The following BPGM variants were observed in gnomAD, a reference collection of about 807,000 sequenced individuals.
BPGM encodes 2,3-bisphosphoglycerate mutase, erythrocyte.
BPGM carries 15 observed loss-of-function variants against 21.6 expected under a neutral mutation model. The ratio of observed to expected loss-of-function variants is 0.70; its 90% CI spans 0.47 to 1.07. BPGM has a LOEUF of 1.07. BPGM is among the 50% of genes least tolerant of loss of function. The pLI is 0.00. For synonymous variants in BPGM, 113 were observed against 116.2 expected (o/e 0.97, Z 0.18); for missense variants, 273 against 319.0 (o/e 0.86, Z 1.10).
chr7:134,649,548 A>C (rs1381102509), intron 1 of BPGM, among the ~76,000 whole-genome samples: 1 of 152,190 alleles, frequency 6.6e-6, no homozygotes, highest in Non-Finnish European at 1.5e-5. Context: ...TTCTTGAAAC[A>C]TCCTTGGAAT....
At chr7:134,657,108 A>G (rs369706429) in intron 1 of BPGM, among the ~76,000 whole-genome samples, 2 of 152,228 alleles carry the variant, frequency 1.3e-5, no homozygotes, top group Non-Finnish European at 1.5e-5. Context: ...CTTTGACTCC[A>G]TGTCTGAATG....
At chr7:134,663,368 ATGTGTG>A (rs146657759) in intron 2 of BPGM, among the ~76,000 whole-genome samples, 1 of 151,062 alleles carries the variant, frequency 6.6e-6, no homozygotes, top group Non-Finnish European at 1.5e-5. Context: ...GGCACTTGAT[ATGTGTG>A]TGTGTGTGTG....
intron 2 of BPGM, among the ~76,000 whole-genome samples, chr7:134,678,522 C>T (rs1220725200): frequency 1.3e-5 from 2 of 152,166 alleles, no homozygotes; most frequent in South Asian, 2.1e-4. Context: ...TCTGATTTTT[C>T]GAGATTACCT....
intron 2 of BPGM, among the ~76,000 whole-genome samples, chr7:134,669,946 C>G (rs964907272): frequency 6.6e-6 from 1 of 152,078 alleles, no homozygotes; most frequent in African/African-American, 2.4e-5. Context: ...AAACATCTAA[C>G]GCAGACCTAA....
At chr7:134,656,818 C>A (rs535931944) in intron 1 of BPGM, among the ~76,000 whole-genome samples, 1 of 152,204 alleles carries the variant, frequency 6.6e-6, no homozygotes, top group African/African-American at 2.4e-5. Context: ...TAATCATGCC[C>A]TTTCCAACAG....
At chr7:134,649,843 A>AT (rs1179886834) in intron 1 of BPGM, among the ~76,000 whole-genome samples, 7 of 151,816 alleles carry the variant, frequency 4.6e-5, no homozygotes, top group Non-Finnish European at 8.8e-5. Context: ...TCCTCCCTTC[A>AT]TTTTACTTTA....
intron 1 of BPGM, among the ~76,000 whole-genome samples, chr7:134,648,392 C>G (rs548084079): frequency 2.0e-5 from 3 of 152,158 alleles, no homozygotes; most frequent in Non-Finnish European, 2.9e-5. Context: ...GCCTCGGCCT[C>G]CCAAAGTGCT....
intron 1 of BPGM, 113 bp downstream of exon 1, chr7:134,647,050 T>C (rs1346383443): frequency 6.5e-6 from 1 of 154,276 alleles, no homozygotes; most frequent in Non-Finnish European, 1.5e-5. Flanking sequence ...GGTTTAGTCG[T>C]TGGTGGGAGT....
At chr7:134,663,368 A>G (rs200614014) in intron 2 of BPGM, among the ~76,000 whole-genome samples, 17 of 151,174 alleles carry the variant, frequency 1.1e-4, no homozygotes, top group South Asian at 1.0e-3. Context: ...GGCACTTGAT[A>G]TGTGTGTGTG....
chr7:134,660,880 T>G (rs1397580411), intron 1 of BPGM: 1 of 156,658 alleles, frequency 6.4e-6, no homozygotes, highest in African/African-American at 2.4e-5. Flanking sequence ...TCTTGTGTGT[T>G]GTAGCCTGTG....
intron 1 of BPGM, among the ~76,000 whole-genome samples, chr7:134,655,783 A>C (rs1795627788): frequency 6.6e-6 from 1 of 152,168 alleles, no homozygotes; most frequent in Non-Finnish European, 1.5e-5. Context: ...TTTCTGTCTG[A>C]CTTTGGTTCA....
rs1427596932 is a variant in BPGM at position 134,679,237 on chromosome 7, C to T, written c.*206C>T. 1 of 592,648 alleles carries T rather than the reference C, an allele frequency of 1.7e-6. No individual in the cohort carries two copies. Among genetic ancestry groups the T allele is most frequent in the Non-Finnish European group, 2.9e-6 (1 of 341,340 alleles). 36.7% of individuals were successfully genotyped at this position (592,648 alleles called of 1,614,324 possible). A position where few individuals can be genotyped will look rare whatever the true frequency, so the allele number is the denominator to read the frequency against. On this transcript the variant is annotated 3_prime_UTR_variant, in exon 3 of 3. Coordinates refer to ENST00000344924, the MANE Select transcript of BPGM (RefSeq NM_001724.5). ...TGTCATAGCCTTATGAGTTAGCTTT[C>T]TTGCTAGCCCCCTAGTCGGTCACCA...
intron 1 of BPGM, among the ~76,000 whole-genome samples, chr7:134,653,616 C>A (rs768529057): frequency 6.6e-6 from 1 of 152,042 alleles, no homozygotes; most frequent in African/African-American, 2.4e-5. Context: ...CCTTATTATA[C>A]CCTATACTTA....
Position 134,671,285 on chromosome 7 carries a change from C to T in BPGM, c.602-7568C>T, listed in dbSNP as rs73441987. 3.3e-3 allele frequency among the ~76,000 whole-genome samples: 500 copies of T among 152,054 alleles called. 2 individuals are homozygous for T. The highest frequency in any genetic ancestry group is 0.011 in the African/African-American group (477 of 41,488). On this transcript the variant is annotated intron_variant, in intron 2 of 2. Coordinates refer to ENST00000344924, the MANE Select transcript of BPGM (RefSeq NM_001724.5). Reference sequence around the variant, plus strand: ...AACCTCTTTCTGAAATTTGTCTGTACTGTACCTCTGACAAAGTCCTTAGGG... The same window carrying T: ...AACCTCTTTCTGAAATTTGTCTGTATTGTACCTCTGACAAAGTCCTTAGGG...
intron 2 of BPGM, among the ~76,000 whole-genome samples, chr7:134,667,638 C>T (rs1305111570): frequency 6.6e-6 from 1 of 152,156 alleles, no homozygotes; most frequent in Non-Finnish European, 1.5e-5. Flanking sequence ...TTCCTGTAAG[C>T]ACAAAAGTTG....
chr7:134,656,327 T>C (rs1795637665), intron 1 of BPGM, among the ~76,000 whole-genome samples: 1 of 152,154 alleles, frequency 6.6e-6, no homozygotes, highest in African/African-American at 2.4e-5. Context: ...GCTTTCATTA[T>C]AAAGTACACA....
At chr7:134,660,275 T>A (rs3800693) in intron 1 of BPGM, 4 of 152,436 alleles carry the variant, frequency 2.6e-5, no homozygotes, top group African/African-American at 9.6e-5. Context: ...AGAGAAAATC[T>A]CCAGTTAATG....
intron 1 of BPGM, among the ~76,000 whole-genome samples, chr7:134,656,372 T>C (rs1795638471): frequency 6.6e-6 from 1 of 152,200 alleles, no homozygotes; most frequent in Admixed American, 6.5e-5. Flanking sequence ...AAAAAAAGAA[T>C]GTAAATTGCC....
At chr7:134,646,977 A>G (rs1795470817) in intron 1 of BPGM, 40 bp downstream of exon 1, 1 of 164,100 alleles carries the variant, frequency 6.1e-6, no homozygotes, top group Non-Finnish European at 1.4e-5. Flanking sequence ...GAACGTTTAC[A>G]TTTTTTAGTG....
Sources: allele counts gnomAD v4.1 joint callset (sites outside exome capture counted in the v4.1 genomes callset), GRCh38; gene constraint gnomAD v4.1.1; transcripts MANE v1.5; gene names NCBI Gene and HGNC (gene_info 2026-07-23, HGNC 2026-07-21).